Variants in MRPL1 observed in about 807,000 individuals in gnomAD.
The protein encoded by MRPL1 is mitochondrial ribosomal protein L1, also known as large ribosomal subunit protein uL1m.
In MRPL1, 28 loss-of-function variants were observed where a neutral mutation model predicts 38.0. The ratio of observed to expected loss-of-function variants is 0.74; its 90% CI spans 0.55 to 1.01. The LOEUF is 1.01. MRPL1 is among the 50% of genes least tolerant of loss of function. MRPL1 has a pLI of 0.00. For synonymous variants in MRPL1, 123 were observed against 126.7 expected, an observed-to-expected ratio of 0.97 and a Z score of 0.20; for missense variants, 358 against 389.8, an observed-to-expected ratio of 0.92 and a Z score of 0.69.
intron 7 of MRPL1, among the ~76,000 whole-genome samples, chr4:77,935,763 T>G (rs1736956198): frequency 6.6e-6 from 1 of 151,998 alleles, no homozygotes; most frequent in Admixed American, 6.6e-5. Flanking sequence ...GCACCCTGTC[T>G]CTAGTAAAAA....
At chr4:77,877,625 T>TA (rs1385829704) in intron 2 of MRPL1, among the ~76,000 whole-genome samples, 18 of 148,470 alleles carry the variant, frequency 1.2e-4, no homozygotes, top group African/African-American at 4.2e-4. Context: ...AATGCAGCCC[T>TA]AGTCTTAAGT....
At position 77,893,977 on chromosome 4, in the gene MRPL1, T is replaced by G. The variant is rs112402457; in HGVS notation, c.559-162T>G. Among the ~76,000 whole-genome samples the G allele has an allele frequency of 5.3e-3, 813 of 152,264 alleles. 7 individuals carry two copies. The highest frequency in any genetic ancestry group is 0.018 in the African/African-American group (764 of 41,554). Reference sequence around the variant, plus strand: ...GAAAATGTTTTACTTCTGATGGTTTTTATAATTGACAGGTGTATTTGTATG... The same window carrying G: ...GAAAATGTTTTACTTCTGATGGTTTGTATAATTGACAGGTGTATTTGTATG... On this transcript the variant is annotated intron_variant, in intron 5 of 8. Transcript: ENST00000315567.
Position 77,870,453 on chromosome 4 carries a change from A to C in MRPL1, c.32-1291A>C, listed in dbSNP as rs1006379140. Among the ~76,000 whole-genome samples the C allele has an allele frequency of 3.9e-5, 6 of 152,230 alleles. No homozygotes were observed. In the East Asian group the frequency reaches 1.2e-3, roughly 29 times the overall value. ...AATAAAATCTTTATAAACTGATATG[A>C]AGTGATCTCTCAAATGTATGCATGT... On this transcript the variant is annotated intron_variant, in intron 1 of 8. Transcript: ENST00000315567.
At chr4:77,870,613 A>G (rs940159031) in intron 1 of MRPL1, among the ~76,000 whole-genome samples, 3 of 152,196 alleles carry the variant, frequency 2.0e-5, no homozygotes, top group Admixed American at 2.0e-4. Context: ...GTATGCTACC[A>G]TTTTATAAAA....
At chr4:77,880,929 T>C (rs1244676031) in intron 2 of MRPL1, among the ~76,000 whole-genome samples, 1 of 152,212 alleles carries the variant, frequency 6.6e-6, no homozygotes, top group Non-Finnish European at 1.5e-5. Context: ...CTGAGAATCA[T>C]CTCATGTAGC....
At chr4:77,914,408 C>T (rs1056721744) in intron 7 of MRPL1, among the ~76,000 whole-genome samples, 8 of 152,020 alleles carry the variant, frequency 5.3e-5, no homozygotes, top group Admixed American at 4.6e-4. Context: ...CTCGATCAAC[C>T]TACTAAGAAA....
intron 7 of MRPL1, among the ~76,000 whole-genome samples, chr4:77,946,957 C>G (rs1022122387): frequency 1.3e-5 from 2 of 150,170 alleles, no homozygotes; most frequent in African/African-American, 4.9e-5. Context: ...TTTGGACATG[C>G]TTGTGATTAT....
At chr4:77,869,957 A>G (rs1302315453) in intron 1 of MRPL1, among the ~76,000 whole-genome samples, 1 of 152,098 alleles carries the variant, frequency 6.6e-6, no homozygotes, top group Non-Finnish European at 1.5e-5. Context: ...ATCAGAACTC[A>G]CTGCAGCCTC....
At chr4:77,946,151 C>A (rs560454944) in intron 7 of MRPL1, among the ~76,000 whole-genome samples, 11 of 152,158 alleles carry the variant, frequency 7.2e-5, no homozygotes, top group Non-Finnish European at 1.5e-4. Context: ...GACCTCCCCC[C>A]AGGAATGCAA....
At chr4:77,911,153 G>A (rs1240115174) in intron 7 of MRPL1, among the ~76,000 whole-genome samples, 1 of 152,048 alleles carries the variant, frequency 6.6e-6, no homozygotes, top group Admixed American at 6.6e-5. Flanking sequence ...TGGTTTTGAA[G>A]ATTACATAAA....
chr4:77,942,143 C>T (rs1737144011), intron 7 of MRPL1, among the ~76,000 whole-genome samples: 1 of 152,078 alleles, frequency 6.6e-6, no homozygotes, highest in African/African-American at 2.4e-5. Flanking sequence ...TATCATCATT[C>T]AGGAGCAGGC....
intron 1 of MRPL1, among the ~76,000 whole-genome samples, chr4:77,863,196 A>C (rs1735043791): frequency 6.6e-6 from 1 of 152,020 alleles, no homozygotes; most frequent in Non-Finnish European, 1.5e-5. Flanking sequence ...GAGTGTGATA[A>C]GTGAGGTGAG....
intron 5 of MRPL1, among the ~76,000 whole-genome samples, chr4:77,892,337 T>C (rs1370514270): frequency 6.6e-6 from 1 of 152,118 alleles, no homozygotes; most frequent in East Asian, 1.9e-4. Flanking sequence ...TTCACCGTGT[T>C]GGCCAGGCTG....
chr4:77,906,363 CTTT>C (rs929171624), intron 6 of MRPL1, among the ~76,000 whole-genome samples: 1 of 144,674 alleles, frequency 6.9e-6, no homozygotes, highest in African/African-American at 2.5e-5. Flanking sequence ...ATAGAGATGG[CTTT>C]TTTTTTTTGA....
At chr4:77,946,615 A>C (rs763707849) in intron 7 of MRPL1, among the ~76,000 whole-genome samples, 1 of 152,218 alleles carries the variant, frequency 6.6e-6, no homozygotes. Flanking sequence ...GGGAACTGAT[A>C]TATGTCCATA....
chr4:77,885,266 A>C lies in MRPL1; in HGVS notation c.413A>C (p.Glu138Ala). Residue 138 changes from glutamate to alanine, a missense_variant, in exon 4 of 9, where the codon GAG becomes GCG. Glu to Ala is a moderately radical substitution (Grantham distance 107). Transcript: ENST00000315567. ...TTGTCATGTGTTTAGAAAAACGTGG[A>C]GCCATTTACCAGTGTTCTTAGTTTG... Reference protein sequence around the residue: ...DMALGKKKNVEPFTSVLSLPY... With the variant: ...DMALGKKKNVAPFTSVLSLPY... 1 of 1,613,124 alleles carries C rather than the reference A, an allele frequency of 6.2e-7. No homozygotes were observed. The highest frequency in any genetic ancestry group is 1.1e-5 in the South Asian group (1 of 91,064).
rs562255922 is a variant in MRPL1, at chr4:77,930,199, A to G, written c.778-19598A>G. On this transcript the variant is annotated intron_variant, in intron 7 of 8. Coordinates refer to ENST00000315567, the MANE Select transcript of MRPL1 (RefSeq NM_020236.4). Reference sequence around the variant, plus strand: ...GAGAAACCGTCCAGTTATAGGCTTGAGAAGTGGAAATCATGTCTCCTTGTA... The same window carrying G: ...GAGAAACCGTCCAGTTATAGGCTTGGGAAGTGGAAATCATGTCTCCTTGTA... 9.2e-5 allele frequency among the ~76,000 whole-genome samples: 14 copies of G among 152,264 alleles called. No individual in the cohort carries two copies. The South Asian group carries it at 2.9e-3, about 32-fold the overall frequency.
chr4:77,908,999 G>A lies in MRPL1; in HGVS notation c.671-267G>A, dbSNP rs927246604. ...AGCTTGTTTCTTCAAAGCCAGTAAG[G>A]AAGATAGTCTTCTTCAAGACAGGCA... On this transcript the variant is annotated intron_variant, in intron 6 of 8. Transcript: ENST00000315567. Among the ~76,000 whole-genome samples the A allele has an allele frequency of 2.8e-4, 42 of 152,212 alleles. 1 individual carries two copies. The highest frequency in any genetic ancestry group is 1.2e-4 in the Non-Finnish European group (8 of 68,034).
At chr4:77,893,099 T>C (rs1735840337) in intron 5 of MRPL1, among the ~76,000 whole-genome samples, 1 of 152,206 alleles carries the variant, frequency 6.6e-6, no homozygotes, top group African/African-American at 2.4e-5. Context: ...TACCCCTAAA[T>C]CAAGGCTTTG....
Sources: allele counts gnomAD v4.1 joint callset (sites outside exome capture counted in the v4.1 genomes callset), GRCh38; gene constraint gnomAD v4.1.1; transcripts MANE v1.5; gene names NCBI Gene and HGNC (gene_info 2026-07-23, HGNC 2026-07-21).